Variants in CCDC171 observed in about 807,000 individuals in gnomAD.
CCDC171 encodes the protein coiled-coil domain containing 171.
A neutral mutation model predicts 168.2 loss-of-function variants in CCDC171; 177 were observed. That is an observed-to-expected ratio of 1.05 (90% confidence interval 0.93 to 1.19). The LOEUF (loss-of-function observed/expected upper bound fraction) is 1.19. CCDC171 is among the 50% of genes most tolerant of loss of function. CCDC171 has a pLI of 0.00. For missense variants in CCDC171, 1,991 were observed against 1,539.0 expected (o/e 1.29, Z -4.91); for synonymous variants, 687 against 540.8 (o/e 1.27, Z -3.75).
At chr9:16,047,080 G>C (rs1833673806) in intron 1 of CCDC171, among the ~76,000 whole-genome samples, 1 of 152,062 alleles carries the variant, frequency 6.6e-6, no homozygotes, top group Admixed American at 6.5e-5. Flanking sequence ...AGTTTCCCTG[G>C]GTGACCTCTT....
chr9:15,737,186 CTA>C (rs1317864584), intron 16 of CCDC171, among the ~76,000 whole-genome samples: 3 of 151,610 alleles, frequency 2.0e-5, no homozygotes, highest in Non-Finnish European at 4.4e-5. Flanking sequence ...TAATAAAAAA[CTA>C]TATATGTTAT....
chr9:15,787,331 G>C (rs1043923785), intron 21 of CCDC171, among the ~76,000 whole-genome samples: 1 of 151,666 alleles, frequency 6.6e-6, no homozygotes, highest in East Asian at 1.9e-4. Flanking sequence ...TATTCTTTCT[G>C]TCTAGCTGAA....
At chr9:15,967,862 G>A (rs552358234) in intron 25 of CCDC171, among the ~76,000 whole-genome samples, 2 of 152,300 alleles carry the variant, frequency 1.3e-5, no homozygotes, top group East Asian at 3.9e-4. Context: ...ATGTTACACA[G>A]GAGACAAATG....
At chr9:15,731,672 A>G (rs1051208312) in intron 16 of CCDC171, among the ~76,000 whole-genome samples, 3 of 152,180 alleles carry the variant, frequency 2.0e-5, no homozygotes, top group Middle Eastern at 3.4e-3. Flanking sequence ...ATTATTGTAC[A>G]AGTCTTTTGT....
chr9:15,894,753 T>C (rs758746077), intron 24 of CCDC171, among the ~76,000 whole-genome samples: 7 of 152,148 alleles, frequency 4.6e-5, no homozygotes. Flanking sequence ...ACTTCATTTA[T>C]GTCTTTGCAT....
intron 3 of CCDC171, among the ~76,000 whole-genome samples, chr9:16,009,591 C>T (rs539091564): frequency 1.3e-5 from 2 of 152,258 alleles, no homozygotes; most frequent in African/African-American, 4.8e-5. Context: ...GAATGAGAAT[C>T]ATCACTTAGT....
intron 13 of CCDC171, among the ~76,000 whole-genome samples, chr9:15,724,385 A>G (rs184875375): frequency 3.3e-5 from 5 of 152,338 alleles, no homozygotes; most frequent in Admixed American, 6.5e-5. Flanking sequence ...TGAGATTTCT[A>G]TAAGTGGTTG....
At chr9:16,079,743 CA>C in the CCDC171 span, among the ~76,000 whole-genome samples, 10 of 152,220 alleles carry the variant, frequency 6.6e-5, no homozygotes, top group African/African-American at 2.4e-4. Context: ...GCAGATTTAG[CA>C]ACCTGATACG....
rs535763872 is a variant in CCDC171 at position 15,555,383 on chromosome 9, G to A, written c.-112+2081G>A. 2.0e-5 allele frequency among the ~76,000 whole-genome samples: 3 copies of A among 152,284 alleles called. 1 individual carries two copies. Among genetic ancestry groups the A allele is most frequent in the East Asian group, 1.9e-4 (1 of 5,188 alleles). ...CTGGTTTTGGTCCAGAACTGTGAAG[G>A]TGCTATCTGGATTGAGAATCGACTG... On this transcript the variant is annotated intron_variant, in intron 1 of 25. Coordinates refer to ENST00000380701, the MANE Select transcript of CCDC171 (RefSeq NM_173550.4).
At chr9:15,785,889 A>T (rs7870711) in intron 21 of CCDC171, among the ~76,000 whole-genome samples, 84 of 147,348 alleles carry the variant, frequency 5.7e-4, no homozygotes, top group African/African-American at 2.0e-3. Context: ...TATGATTTTG[A>T]TTTTTTTTTT....
At chr9:15,782,374 G>C (rs978693509) in intron 20 of CCDC171, among the ~76,000 whole-genome samples, 1 of 152,118 alleles carries the variant, frequency 6.6e-6, no homozygotes, top group Non-Finnish European at 1.5e-5. Context: ...CTTATTCTGC[G>C]TTGCTATACT....
intron 25 of CCDC171, among the ~76,000 whole-genome samples, chr9:15,927,362 G>A (rs548040410): frequency 4.0e-5 from 6 of 151,790 alleles, no homozygotes; most frequent in African/African-American, 1.4e-4. Context: ...CAGTACAGCA[G>A]TCAGAACCAA....
At chr9:15,918,384 G>GTGGCAT (rs1157027465) in intron 24 of CCDC171, among the ~76,000 whole-genome samples, 1 of 150,032 alleles carries the variant, frequency 6.7e-6, no homozygotes, top group Non-Finnish European at 1.5e-5. Context: ...GAGGGATTAT[G>GTGGCAT]TGGCATTTCC....
At chr9:15,702,289 C>G (rs2051816267) in intron 11 of CCDC171, among the ~76,000 whole-genome samples, 1 of 152,038 alleles carries the variant, frequency 6.6e-6, no homozygotes, top group Non-Finnish European at 1.5e-5. Context: ...AATCCTGTGG[C>G]CCTTAAGAAT....
chr9:15,797,725 A>T (rs190174833), intron 21 of CCDC171, among the ~76,000 whole-genome samples: 1 of 152,008 alleles, frequency 6.6e-6, no homozygotes, highest in African/African-American at 2.4e-5. Context: ...GTTGTAGTTG[A>T]TCCTTTTTAT....
intron 3 of CCDC171, among the ~76,000 whole-genome samples, chr9:15,573,694 C>A (rs1331859780): frequency 6.6e-6 from 1 of 152,160 alleles, no homozygotes; most frequent in Non-Finnish European, 1.5e-5. Context: ...AACTCTAAAA[C>A]TTGTTTTTTT....
intron 24 of CCDC171, among the ~76,000 whole-genome samples, chr9:15,880,524 T>C (rs763199288): frequency 4.6e-5 from 7 of 151,474 alleles, no homozygotes; most frequent in Non-Finnish European, 8.8e-5. Flanking sequence ...TGACGTGATC[T>C]CGGCTCATTC....
intron 7 of CCDC171, among the ~76,000 whole-genome samples, chr9:15,638,553 T>G (rs2046367952): frequency 6.6e-6 from 1 of 152,056 alleles, no homozygotes; most frequent in African/African-American, 2.4e-5. Context: ...CTAAAGCAAC[T>G]AATAAAATAG....
chr9:16,004,321 G>A (rs1832638847), intron 3 of CCDC171, among the ~76,000 whole-genome samples: 1 of 152,170 alleles, frequency 6.6e-6, no homozygotes, highest in African/African-American at 2.4e-5. Context: ...AGCACCAGAA[G>A]TGAAAAATAA....
Sources: allele counts gnomAD v4.1 joint callset (sites outside exome capture counted in the v4.1 genomes callset), GRCh38; gene constraint gnomAD v4.1.1; transcripts MANE v1.5; gene names NCBI Gene and HGNC (gene_info 2026-07-23, HGNC 2026-07-21).